LARGE1: variants seen among roughly 807,000 people sequenced by gnomAD.
LARGE1 encodes the protein LARGE xylosyl- and glucuronyltransferase 1, also known as xylosyl- and glucuronyltransferase LARGE1.
A neutral mutation model predicts 87.6 loss-of-function variants in LARGE1; 43 were observed. The ratio of observed to expected loss-of-function variants is 0.49; its 90% CI spans 0.38 to 0.63. The LOEUF is 0.63. LARGE1 is among the 30% of genes least tolerant of loss of function. The pLI is 0.00. For missense variants in LARGE1, 802 were observed against 1,000.2 expected (o/e 0.80, Z 2.67); for synonymous variants, 434 against 394.6 (o/e 1.10, Z -1.18).
intron 5 of LARGE1, among the ~76,000 whole-genome samples, chr22:33,566,176 T>A (rs865925434): frequency 6.6e-6 from 1 of 152,208 alleles, no homozygotes; most frequent in African/African-American, 2.4e-5. Context: ...CCCAAAGATG[T>A]TCATCACCAT....
rs538916052 is a variant in LARGE1 at position 33,287,674 on chromosome 22, T to C, written c.1731-4326A>G. 8.5e-5 allele frequency among the ~76,000 whole-genome samples: 13 copies of C among 152,304 alleles called. 1 individual carries two copies. The South Asian group carries it at 2.7e-3, about 32-fold the overall frequency. ...CTTAGGGGTCAACAATTTGCAGCCA[T>C]TAGTTCTCTGGAAAGTGAGTCCTGC... On this transcript the variant is annotated intron_variant, in intron 12 of 14. Coordinates refer to ENST00000397394, the MANE Select transcript of LARGE1 (RefSeq NM_133642.5).
At chr22:33,801,587 A>C (rs2086162056) in intron 1 of LARGE1, among the ~76,000 whole-genome samples, 1 of 152,116 alleles carries the variant, frequency 6.6e-6, no homozygotes, top group Admixed American at 6.6e-5. Flanking sequence ...ATTTTTATAT[A>C]TTCAGGATAC....
At chr22:33,738,860 A>G (rs76743326) in intron 2 of LARGE1, among the ~76,000 whole-genome samples, 7,142 of 150,780 alleles carry the variant, frequency 0.047, 268 homozygotes, top group East Asian at 0.21. Context: ...AAAAAAAAAA[A>G]AGAGAGACCA....
intron 1 of LARGE1, among the ~76,000 whole-genome samples, chr22:33,780,721 G>T (rs2085392232): frequency 6.6e-6 from 1 of 152,314 alleles, no homozygotes; most frequent in Non-Finnish European, 1.5e-5. Flanking sequence ...TCCCTCCTCT[G>T]CAGCAGTGCA....
chr22:33,714,383 T>C (rs2082849944), intron 2 of LARGE1, among the ~76,000 whole-genome samples: 1 of 152,166 alleles, frequency 6.6e-6, no homozygotes, highest in South Asian at 2.1e-4. Context: ...CATGGAGACG[T>C]TCCTTACCCT....
At chr22:33,279,069 C>T (rs577555893) in intron 13 of LARGE1, among the ~76,000 whole-genome samples, 3 of 152,192 alleles carry the variant, frequency 2.0e-5, no homozygotes, top group South Asian at 2.1e-4. Flanking sequence ...GCCTGTTGAA[C>T]GAGTACTCAA....
intron 2 of LARGE1, among the ~76,000 whole-genome samples, chr22:33,651,699 A>C (rs2080823785): frequency 6.6e-6 from 1 of 152,212 alleles, no homozygotes; most frequent in African/African-American, 2.4e-5. Context: ...AACATGTCAC[A>C]AGGTCTGAGA....
At chr22:33,182,071 C>A (rs1923202234) in intron 11 of LARGE1, among the ~76,000 whole-genome samples, 1 of 152,002 alleles carries the variant, frequency 6.6e-6, no homozygotes, top group African/African-American at 2.4e-5. Context: ...ATCTCCCCGC[C>A]TTGGCCTCCT....
intron 6 of LARGE1, among the ~76,000 whole-genome samples, chr22:33,514,992 G>A (rs558734061): frequency 4.6e-5 from 7 of 152,104 alleles, no homozygotes; most frequent in African/African-American, 1.2e-4. Context: ...TCGCAGGCAC[G>A]TAATGTTCCT....
At chr22:33,279,254 C>A (rs1017977593) in intron 13 of LARGE1, among the ~76,000 whole-genome samples, 1 of 151,930 alleles carries the variant, frequency 6.6e-6, no homozygotes, top group East Asian at 1.9e-4. Flanking sequence ...GGAAGAGTAT[C>A]CAGAGCTGGA....
At chr22:33,208,260 G>A (rs889669494) in intron 11 of LARGE1, among the ~76,000 whole-genome samples, 4 of 152,140 alleles carry the variant, frequency 2.6e-5, no homozygotes, top group African/African-American at 7.2e-5. Context: ...AATCGTATAG[G>A]CCACATAGAA....
At chr22:33,391,129 C>T (rs2065505385) in intron 7 of LARGE1, among the ~76,000 whole-genome samples, 1 of 152,202 alleles carries the variant, frequency 6.6e-6, no homozygotes, top group Non-Finnish European at 1.5e-5. Context: ...CCGTGCCCAG[C>T]CTACCACAGG....
At chr22:33,414,504 G>T (rs886359231) in intron 7 of LARGE1, among the ~76,000 whole-genome samples, 4 of 152,114 alleles carry the variant, frequency 2.6e-5, no homozygotes, top group Admixed American at 1.3e-4. Context: ...AGAGCAAGTG[G>T]GTAGGACGTA....
chr22:33,910,072 C>T (rs1345284941), intron 1 of LARGE1, among the ~76,000 whole-genome samples: 1 of 152,206 alleles, frequency 6.6e-6, no homozygotes, highest in Non-Finnish European at 1.5e-5. Context: ...CCACAGTGCA[C>T]ACATCCATTC....
intron 1 of LARGE1, among the ~76,000 whole-genome samples, chr22:33,795,009 C>T (rs1034345869): frequency 2.6e-5 from 4 of 152,158 alleles, no homozygotes; most frequent in African/African-American, 4.8e-5. Context: ...AGTGAGACTG[C>T]GTCAGCATTG....
chr22:33,535,607 T>C (rs1031510798), intron 6 of LARGE1, among the ~76,000 whole-genome samples: 4 of 152,048 alleles, frequency 2.6e-5, no homozygotes, highest in Non-Finnish European at 5.9e-5. Flanking sequence ...AATATCTCCC[T>C]GGCTGTATAA....
At chr22:33,709,116 A>G (rs1026074690) in intron 2 of LARGE1, among the ~76,000 whole-genome samples, 1 of 152,204 alleles carries the variant, frequency 6.6e-6, no homozygotes, top group Non-Finnish European at 1.5e-5. Context: ...TCAGGGGTTA[A>G]GGCTTCAACA....
At chr22:33,097,757 T>C in the LARGE1 span, among the ~76,000 whole-genome samples, 1 of 152,236 alleles carries the variant, frequency 6.6e-6, no homozygotes, top group African/African-American at 2.4e-5. Context: ...TGGTTGTACT[T>C]TTCCTGATTG....
intron 7 of LARGE1, among the ~76,000 whole-genome samples, chr22:33,387,527 G>A (rs1460706660): frequency 7.2e-6 from 1 of 139,342 alleles, no homozygotes; most frequent in Middle Eastern, 3.6e-3. Flanking sequence ...TTAAAAAATG[G>A]GGGGGGGGAT....
Sources: gnomAD v4.1 joint callset for allele counts (sites outside exome capture counted in the v4.1 genomes callset) on GRCh38, gnomAD v4.1.1 for gene constraint, MANE v1.5 for transcripts, NCBI Gene and HGNC (gene_info 2026-07-23, HGNC 2026-07-21) for gene names.